Variants in CT45A1 observed in about 807,000 individuals in gnomAD.
The protein encoded by CT45A1 is cancer/testis antigen family 45 member A1.
At chrX:135,714,196 A>G (rs1198292541) in intron 1 of CT45A1, among the ~76,000 whole-genome samples, 8 of 104,991 alleles carry the variant, frequency 7.6e-5, no homozygotes, top group African/African-American at 1.1e-4. Context: ...CCTGCGAGGG[A>G]CTCTTCCTTG....
At chrX:135,708,869 G>A (rs1251783119), upstream of CT45A1, among the ~76,000 whole-genome samples, 6 of 110,759 alleles carry the variant, frequency 5.4e-5, no homozygotes, top group East Asian at 2.8e-4. Context: ...TACCTCCTGC[G>A]CAGTCAGCAT....
At chrX:135,709,960 T>C (rs1289991035), upstream of CT45A1, 2 of 112,440 alleles carry the variant, frequency 1.8e-5, no homozygotes, top group African/African-American at 6.5e-5. Flanking sequence ...TTGACACCTT[T>C]ACAAGTTTCT....
chrX:135,713,875 G>A (rs1199532091), intron 1 of CT45A1, among the ~76,000 whole-genome samples, 185 bp downstream of exon 1: 21 of 110,117 alleles, frequency 1.9e-4, no homozygotes, highest in Admixed American at 1.9e-4. Flanking sequence ...TGTCAGCCGC[G>A]GGGGAGCGTT....
intron 1 of CT45A1, among the ~76,000 whole-genome samples, chrX:135,716,062 T>A (rs2087986868): frequency 9.0e-6 from 1 of 111,665 alleles, no homozygotes; most frequent in East Asian, 2.8e-4. Flanking sequence ...TGCCACATTT[T>A]CTTTATCCAG....
intron 1 of CT45A1, among the ~76,000 whole-genome samples, chrX:135,716,091 T>A (rs1387423843): frequency 9.0e-6 from 1 of 111,433 alleles, no homozygotes; most frequent in African/African-American, 3.3e-5. Flanking sequence ...TGATGGGCAT[T>A]TGGGTTGATT....
At chrX:135,717,848 G>A (rs1452045442) in intron 1 of CT45A1, among the ~76,000 whole-genome samples, 2 of 111,310 alleles carry the variant, frequency 1.8e-5, no homozygotes, top group African/African-American at 6.5e-5. Context: ...ATTTTTCTAT[G>A]TACAGAACAA....
At chrX:135,717,869 G>GAAT (rs1160292252) in intron 1 of CT45A1, among the ~76,000 whole-genome samples, 3 of 111,444 alleles carry the variant, frequency 2.7e-5, no homozygotes, top group Admixed American at 9.6e-5. Context: ...TGTCATCTGT[G>GAAT]AATGACAGTT....
upstream of CT45A1, among the ~76,000 whole-genome samples, chrX:135,711,234 C>T (rs1163545731): frequency 2.7e-5 from 3 of 111,228 alleles, no homozygotes; most frequent in Non-Finnish European, 5.7e-5. Context: ...CTAGAAGAAA[C>T]AAACAAAACA....
chrX:135,711,883 C>T (rs1423509266), upstream of CT45A1, among the ~76,000 whole-genome samples: 3 of 110,624 alleles, frequency 2.7e-5, no homozygotes, highest in Admixed American at 2.9e-4. Context: ...GAGTTTGAGA[C>T]CAGCCTGGCC....
chrX:135,715,579 T>C (rs1465551590), intron 1 of CT45A1, among the ~76,000 whole-genome samples: 1 of 90,344 alleles, frequency 1.1e-5, no homozygotes, highest in African/African-American at 4.1e-5. Context: ...ATATATATAA[T>C]ACTTATAGGT....
upstream of CT45A1, chrX:135,713,344 T>C: frequency 4.8e-6 from 1 of 207,153 alleles, no homozygotes; most frequent in Non-Finnish European, 7.1e-6. Flanking sequence ...CAGTTGTTAC[T>C]GAAGGTCGCC....
intron 1 of CT45A1, among the ~76,000 whole-genome samples, chrX:135,715,398 TA>T (rs2087975691): frequency 1.3e-5 from 1 of 79,572 alleles, no homozygotes; most frequent in Non-Finnish European, 2.2e-5. Flanking sequence ...TACTTATATA[TA>T]TAATACTTAT....
chrX:135,719,261 T>C, intron 2 of CT45A1, among the ~76,000 whole-genome samples, 152 bp downstream of exon 2: 1 of 66,949 alleles, frequency 1.5e-5, no homozygotes, highest in Non-Finnish European at 2.8e-5. Context: ...ATGAAAACCT[T>C]CTAGGATTTC....
rs2186150 is a variant in CT45A1, at chrX:135,714,073, C to T, written c.-7+383C>T. 9.6e-5 allele frequency among the ~76,000 whole-genome samples: 10 copies of T among 104,479 alleles called. No homozygotes were observed. The South Asian group carries it at 4.4e-3, about 46-fold the overall frequency. The allele number at this position is 104,479 out of a possible 115,157, so 90.7% of individuals were successfully genotyped here. A position where few individuals can be genotyped will look rare whatever the true frequency, so the allele number is the denominator to read the frequency against. ...TTTCCCACTCAGTCGCAGTCCTGAG[C>T]GGGGGCTCTGCCTTGGGGACTCTAT... is the stretch of plus-strand genomic sequence containing the variant. On this transcript the variant is annotated intron_variant, in intron 1 of 4. Coordinates refer to ENST00000594565, the MANE Select transcript of CT45A1 (RefSeq NM_001017417.3).
chrX:135,711,399 G>A (rs1477650775), upstream of CT45A1, among the ~76,000 whole-genome samples: 5 of 111,372 alleles, frequency 4.5e-5, no homozygotes, highest in South Asian at 1.1e-3. Flanking sequence ...ACTCTCTTCT[G>A]ACAGGGTACT....
At chrX:135,712,996 C>CCTTCCTCTCTCTCT (rs1156263810), upstream of CT45A1, among the ~76,000 whole-genome samples, 1 of 57,608 alleles carries the variant, frequency 1.7e-5, no homozygotes, top group Non-Finnish European at 3.2e-5. Flanking sequence ...TTCCTTCCTT[C>CCTTCCTCTCTCTCT]CTCTCTCTCT....
chrX:135,710,550 G>A (rs782499516), upstream of CT45A1, among the ~76,000 whole-genome samples: 2 of 111,840 alleles, frequency 1.8e-5, no homozygotes, highest in South Asian at 3.8e-4. Flanking sequence ...GGGGCTTAGT[G>A]TTGGTCTCCA....
chrX:135,716,830 G>A (rs2087991834), intron 1 of CT45A1, among the ~76,000 whole-genome samples: 1 of 111,076 alleles, frequency 9.0e-6, no homozygotes, highest in Admixed American at 9.7e-5. Context: ...TAAGAGTCAA[G>A]GTTTGTATTT....
intron 1 of CT45A1, among the ~76,000 whole-genome samples, chrX:135,713,998 G>T (rs1320290877): frequency 9.3e-6 from 1 of 107,949 alleles, no homozygotes; most frequent in Non-Finnish European, 1.9e-5. Flanking sequence ...GCCCGGGGGT[G>T]GGGGCCATGC....
Sources: gnomAD v4.1 joint callset for allele counts (sites outside exome capture counted in the v4.1 genomes callset) on GRCh38, gnomAD v4.1.1 for gene constraint, MANE v1.5 for transcripts, NCBI Gene and HGNC (gene_info 2026-07-23, HGNC 2026-07-21) for gene names.